The following USP10 variants were observed in gnomAD, a reference collection of about 807,000 sequenced individuals.
The protein encoded by USP10 is ubiquitin specific peptidase 10.
In USP10, 22 loss-of-function variants were observed where a neutral mutation model predicts 84.5. The ratio of observed to expected loss-of-function variants is 0.26; its 90% CI spans 0.19 to 0.37. USP10 has a LOEUF of 0.37. Among genes scored for constraint, USP10 ranks in the 10% least tolerant of loss-of-function variants. The pLI is 1.00. For synonymous variants in USP10, 454 were observed against 387.6 expected (o/e 1.17, Z -2.01); for missense variants, 1,019 against 998.9 (o/e 1.02, Z -0.27).
chr16:84,745,510 C>G lies in USP10; in HGVS notation c.1029C>G (p.Ala343=), dbSNP rs748307642. ...TLPVSQPKSW[A]SLFHDSKPSS... ...CTGTCAGCCAGCCCAAGTCCTGGGC[C>G]AGCCTCTTTCATGATTCTAAGCCCT... The change falls in exon 4 of 14, where the codon GCC becomes GCG. Residue 343 remains alanine (A), a synonymous_variant. Coordinates refer to ENST00000219473, the MANE Select transcript of USP10 (RefSeq NM_005153.3). 1 of 1,613,570 alleles carries G rather than the reference C, an allele frequency of 6.2e-7. No homozygotes were observed. The highest frequency in any genetic ancestry group is 1.1e-5 in the South Asian group (1 of 91,018).
At chr16:84,736,703 G>C (rs1909977118) in intron 2 of USP10, among the ~76,000 whole-genome samples, 1 of 152,206 alleles carries the variant, frequency 6.6e-6, no homozygotes, top group East Asian at 1.9e-4. Flanking sequence ...AGCCCCCGAT[G>C]ACATAGTGTT....
At chr16:84,741,802 T>C (rs1910657309) in intron 3 of USP10, among the ~76,000 whole-genome samples, 1 of 152,222 alleles carries the variant, frequency 6.6e-6, no homozygotes, top group Admixed American at 6.5e-5. Flanking sequence ...CAGTGCCTGT[T>C]CGACTGTACA....
intron 1 of USP10, chr16:84,732,929 A>G (rs377711272): frequency 8.0e-6 from 3 of 373,030 alleles, no homozygotes; most frequent in East Asian, 1.5e-4. Context: ...TCCTATGGAA[A>G]TGCATTTTTA....
chr16:84,704,645 A>C, intron 1 of USP10: 2 of 1,413,442 alleles, frequency 1.4e-6, no homozygotes, highest in Non-Finnish European at 1.9e-6. Context: ...ATTTGTTTCA[A>C]GGATCAGAAA....
At chr16:84,776,655 C>T (rs777299147) in intron 13 of USP10, among the ~76,000 whole-genome samples, 68 of 152,100 alleles carry the variant, frequency 4.5e-4, no homozygotes, top group African/African-American at 1.4e-3. Context: ...GAGGCTCTTG[C>T]GGGGGACATC....
chr16:84,755,441 C>G (rs767733285), intron 4 of USP10, among the ~76,000 whole-genome samples: 2 of 151,634 alleles, frequency 1.3e-5, no homozygotes, highest in Non-Finnish European at 2.9e-5. Context: ...TGTCTTCACT[C>G]CTACACGCTG....
At chr16:84,739,352 A>G (rs530417929) in intron 2 of USP10, among the ~76,000 whole-genome samples, 3 of 152,110 alleles carry the variant, frequency 2.0e-5, no homozygotes, top group African/African-American at 4.8e-5. Context: ...GCTCACTGCA[A>G]CCTCCATCCC....
Position 84,745,547 on chromosome 16 carries a change from C to G in USP10, c.1066C>G (p.Pro356Ala). 3 of 1,612,460 alleles carry G rather than the reference C, an allele frequency of 1.9e-6. No individual in the cohort carries two copies. Among genetic ancestry groups the G allele is most frequent in the Non-Finnish European group, 2.5e-6 (3 of 1,179,150 alleles). ...FHDSKPSSSS[P>A]VAYVETKYSP... ...TGATTCTAAGCCCTCTTCCTCCTCGCCGGTGGCCTATGTGGAAACTAAGTA... is the reference window on the plus strand; with the variant it reads ...TGATTCTAAGCCCTCTTCCTCCTCGGCGGTGGCCTATGTGGAAACTAAGTA... Residue 356 changes from proline (P) to alanine (A), a missense_variant, in exon 4 of 14, where the codon CCG becomes GCG. Transcript: ENST00000219473.
At chr16:84,754,519 C>T (rs186027207) in intron 4 of USP10, among the ~76,000 whole-genome samples, 6 of 152,276 alleles carry the variant, frequency 3.9e-5, no homozygotes, top group South Asian at 4.1e-4. Context: ...AGGTTGTGCT[C>T]GTTCGCTTTT....
At chr16:84,765,408 G>A (rs1260987118) in intron 10 of USP10, among the ~76,000 whole-genome samples, 5 of 151,074 alleles carry the variant, frequency 3.3e-5, no homozygotes, top group East Asian at 2.0e-4. Context: ...GGTGTCCTTC[G>A]ACCGACATCT....
chr16:84,758,660 G>T, intron 4 of USP10, 56 bp from the exon 5 acceptor site: 1 of 1,236,952 alleles, frequency 8.1e-7, no homozygotes, highest in Non-Finnish European at 1.2e-6. Flanking sequence ...GAAATGATTT[G>T]AATGTTCTTC....
At chr16:84,749,643 T>C (rs547807428) in intron 4 of USP10, among the ~76,000 whole-genome samples, 1 of 152,334 alleles carries the variant, frequency 6.6e-6, no homozygotes, top group African/African-American at 2.4e-5. Context: ...CTCAAGTTTG[T>C]TTCAAATACT....
chr16:84,728,124 G>A (rs981339344), intron 1 of USP10, among the ~76,000 whole-genome samples: 4 of 152,274 alleles, frequency 2.6e-5, no homozygotes, highest in African/African-American at 9.6e-5. Context: ...CATTTGATTG[G>A]AAGTTAGGAA....
intron 1 of USP10, among the ~76,000 whole-genome samples, chr16:84,712,688 A>G (rs1906472428): frequency 6.6e-6 from 1 of 152,156 alleles, no homozygotes; most frequent in Non-Finnish European, 1.5e-5. Context: ...CCACAGTATC[A>G]CCTTGATTGT....
chr16:84,726,927 A>T (rs1908566917), intron 1 of USP10, among the ~76,000 whole-genome samples: 1 of 152,176 alleles, frequency 6.6e-6, no homozygotes, highest in South Asian at 2.1e-4. Context: ...TTTTGACCCC[A>T]GTGTTCTGAC....
intron 4 of USP10, among the ~76,000 whole-genome samples, chr16:84,757,650 G>T (rs1247989696): frequency 1.3e-5 from 2 of 151,856 alleles, no homozygotes; most frequent in African/African-American, 4.8e-5. Flanking sequence ...ATGAATTTTT[G>T]ATTTTTGTTG....
At chr16:84,737,171 G>A (rs989454358) in intron 2 of USP10, among the ~76,000 whole-genome samples, 4 of 152,196 alleles carry the variant, frequency 2.6e-5, no homozygotes, top group Non-Finnish European at 5.9e-5. Flanking sequence ...CACACAGGTA[G>A]CCCAGAGGGA....
intron 1 of USP10, among the ~76,000 whole-genome samples, chr16:84,702,445 G>C (rs187907115): frequency 1.0e-3 from 155 of 152,290 alleles, no homozygotes; most frequent in Middle Eastern, 3.4e-3. Flanking sequence ...ACTGGTTCCT[G>C]CTCCAGTCAT....
At position 84,745,368 on chromosome 16, in the gene USP10, G is replaced by T. The variant is rs576747065; in HGVS notation, c.887G>T (p.Gly296Val). The change falls in exon 4 of 14, where the codon GGC becomes GTC. Residue 296 changes from glycine (G) to valine (V), a missense_variant. Transcript: ENST00000219473. ...CAAATACTTGAATCCTCGGGTGAGG[G>T]CACAGCTACCAACGGGGTGGAGTTG... ...NGQILESSGE[G>V]TATNGVELHT... The T allele has an allele frequency of 2.4e-5, 39 of 1,613,142 alleles. No individual in the cohort carries two copies. Among genetic ancestry groups the T allele is most frequent in the Non-Finnish European group, 3.1e-5 (36 of 1,179,722 alleles).
Sources: allele counts gnomAD v4.1 joint callset (sites outside exome capture counted in the v4.1 genomes callset), GRCh38; gene constraint gnomAD v4.1.1; transcripts MANE v1.5; gene names NCBI Gene and HGNC (gene_info 2026-07-23, HGNC 2026-07-21).